PRR5L: variants seen among roughly 807,000 people sequenced by gnomAD.
PRR5L encodes the protein proline rich 5 like, also known as proline-rich protein 5-like.
Under a neutral mutation model 36.4 loss-of-function variants are expected in PRR5L, and 21 were observed. The ratio of observed to expected loss-of-function variants is 0.58; its 90% CI spans 0.41 to 0.83. The LOEUF is 0.83. Ranked by LOEUF, PRR5L falls within the 40% of genes least tolerant of loss-of-function variation. The probability of loss-of-function intolerance (pLI) is 0.00; values close to 1 mark genes in which losing one functional copy is unlikely to be tolerated. For synonymous variants in PRR5L, 188 were observed against 197.0 expected (o/e 0.95, Z 0.38); for missense variants, 381 against 473.3 (o/e 0.80, Z 1.81).
Position 36,377,342 on chromosome 11 carries a change from AC to A in PRR5L, c.-125-23651del, listed in dbSNP as rs1386874950. The stretch of plus-strand genomic sequence containing the variant: ...AAGCCCTGGGACGGCCCGGCTGCGG[AC>A]CCCGCGCTGGGAGTCCGCAGTATCC... On this transcript the variant is annotated intron_variant, in intron 1 of 8. Coordinates refer to ENST00000530639, the MANE Select transcript of PRR5L (RefSeq NM_001160167.2). The surrounding 1 kb of genome is among the most constrained non-coding windows in gnomAD (Gnocchi z 5.1). 6.6e-6 allele frequency among the ~76,000 whole-genome samples: 1 copy of A among 152,016 alleles called. No homozygotes were observed. Among genetic ancestry groups the A allele is most frequent in the Non-Finnish European group, 1.5e-5 (1 of 67,970 alleles).
intron 1 of PRR5L, among the ~76,000 whole-genome samples, chr11:36,397,072 T>C (rs2592557): frequency 0.13 from 19,135 of 147,386 alleles, 1,562 homozygotes; most frequent in African/African-American, 0.25. Flanking sequence ...CTTTTCTTTT[T>C]TTTTTTTTTT....
chr11:36,400,450 C>T (rs1339346840), intron 1 of PRR5L, among the ~76,000 whole-genome samples: 1 of 152,072 alleles, frequency 6.6e-6, no homozygotes, highest in African/African-American at 2.4e-5. Flanking sequence ...AAATAGCAAA[C>T]ACTCAGTGAG....
rs542695044 is a variant in PRR5L at position 36,373,611 on chromosome 11, A to G, written c.-125-27386A>G. ...AAGACTCTGTTTTAAAAAAAAAAAA[A>G]AAAGAAAGAAAAAATATCTGCTTAC... On this transcript the variant is annotated intron_variant, in intron 1 of 8. Transcript: ENST00000530639. Among the ~76,000 whole-genome samples the G allele has an allele frequency of 1.5e-4, 23 of 152,092 alleles. No individual in the cohort carries two copies. The South Asian group carries it at 2.9e-3, about 19-fold the overall frequency.
intron 1 of PRR5L, among the ~76,000 whole-genome samples, chr11:36,303,048 G>A (rs371013399): frequency 1.8e-4 from 27 of 152,222 alleles, no homozygotes; most frequent in Admixed American, 5.2e-4. Context: ...CAGAGCCCAC[G>A]CTGCCCTAAT....
chr11:36,383,198 C>A (rs1857400335), intron 1 of PRR5L, among the ~76,000 whole-genome samples: 1 of 152,196 alleles, frequency 6.6e-6, no homozygotes. Context: ...AAGTGCTGTG[C>A]AGATGTTAGT....
intron 1 of PRR5L, among the ~76,000 whole-genome samples, chr11:36,363,983 T>A (rs1460137906): frequency 6.6e-6 from 1 of 152,190 alleles, no homozygotes; most frequent in Non-Finnish European, 1.5e-5. Context: ...GGAGGGTATT[T>A]CACTTTTAAA....
intron 1 of PRR5L, among the ~76,000 whole-genome samples, chr11:36,373,598 TAAA>T (rs560773054): frequency 7.3e-6 from 1 of 136,456 alleles, no homozygotes. Flanking sequence ...GACTCTGTTT[TAAA>T]AAAAAAAAAA....
intron 6 of PRR5L, among the ~76,000 whole-genome samples, chr11:36,442,661 A>G (rs1465555272): frequency 9.1e-5 from 2 of 22,048 alleles, no homozygotes; most frequent in Non-Finnish European, 2.7e-4. Context: ...TTTACCAGAT[A>G]CTCTAAGTCA....
intron 1 of PRR5L, among the ~76,000 whole-genome samples, chr11:36,378,786 A>G (rs1857320271): frequency 6.6e-6 from 1 of 152,184 alleles, no homozygotes; most frequent in Non-Finnish European, 1.5e-5. Flanking sequence ...AATATTATAT[A>G]CTCCTCATGC....
chr11:36,394,383 T>C (rs1354725943), intron 1 of PRR5L: 3 of 152,236 alleles, frequency 2.0e-5, no homozygotes, highest in African/African-American at 7.2e-5. Flanking sequence ...CTCTTCCTAT[T>C]CTCACTTTTC....
intron 6 of PRR5L, among the ~76,000 whole-genome samples, chr11:36,442,926 A>G (rs1165450654): frequency 6.6e-6 from 1 of 151,920 alleles, no homozygotes; most frequent in Non-Finnish European, 1.5e-5. Flanking sequence ...GAGCCCTCCA[A>G]ACTCTTCCAA....
intron 1 of PRR5L, among the ~76,000 whole-genome samples, chr11:36,370,731 A>G (rs1159127095): frequency 2.5e-4 from 38 of 152,142 alleles, no homozygotes; most frequent in Non-Finnish European, 1.6e-4. Flanking sequence ...AATACAAAAA[A>G]TTAGCTGGGT....
chr11:36,375,984 G>A, intron 1 of PRR5L: 1 of 415,464 alleles, frequency 2.4e-6, no homozygotes, highest in Non-Finnish European at 4.7e-6. Flanking sequence ...ATCACCTCTT[G>A]GCTTGGCAGT....
At chr11:36,456,623 GGTTTGA>G (rs1234297103) in intron 8 of PRR5L, among the ~76,000 whole-genome samples, 8 of 152,182 alleles carry the variant, frequency 5.3e-5, no homozygotes, top group Non-Finnish European at 7.3e-5. Context: ...GTCAGCTCTG[GGTTTGA>G]GTCCTGGTTT....
chr11:36,418,484 T>A (rs981540629), intron 3 of PRR5L, among the ~76,000 whole-genome samples: 2 of 152,090 alleles, frequency 1.3e-5, no homozygotes, highest in African/African-American at 2.4e-5. Flanking sequence ...GGCATAATTT[T>A]AAAAATCTGT....
intron 1 of PRR5L, among the ~76,000 whole-genome samples, chr11:36,303,924 G>A (rs1347127616): frequency 6.6e-6 from 1 of 152,038 alleles, no homozygotes; most frequent in Non-Finnish European, 1.5e-5. Flanking sequence ...TATTGATCAG[G>A]GTGGGATGTC....
intron 1 of PRR5L, among the ~76,000 whole-genome samples, chr11:36,354,505 TA>T (rs753733781): frequency 1.3e-4 from 20 of 152,300 alleles, no homozygotes; most frequent in Admixed American, 4.6e-4. Context: ...TTATTTCCTA[TA>T]TGCACAGAAG....
intron 3 of PRR5L, among the ~76,000 whole-genome samples, chr11:36,411,251 C>T (rs1372153207): frequency 5.9e-5 from 9 of 152,146 alleles, no homozygotes; most frequent in Non-Finnish European, 8.8e-5. Context: ...GCTGTCCCTG[C>T]GCCTCTCCAC....
At chr11:36,342,124 C>T (rs1028168560) in intron 1 of PRR5L, among the ~76,000 whole-genome samples, 1 of 152,278 alleles carries the variant, frequency 6.6e-6, no homozygotes, top group South Asian at 2.1e-4. Context: ...GGTGGGTCGG[C>T]AGAGGGAGCT....
Sources: allele counts gnomAD v4.1 joint callset (sites outside exome capture counted in the v4.1 genomes callset), GRCh38; gene constraint gnomAD v4.1.1; non-coding constraint Gnocchi (gnomAD v3.1); transcripts MANE v1.5; gene names NCBI Gene and HGNC (gene_info 2026-07-23, HGNC 2026-07-21).